The following BAIAP2L1 variants were observed in gnomAD, a reference collection of about 807,000 sequenced individuals.
BAIAP2L1 encodes BAR/IMD domain containing adaptor protein 2 like 1, also known as BAR/IMD domain-containing adapter protein 2-like 1.
BAIAP2L1 carries 35 observed loss-of-function variants against 66.3 expected under a neutral mutation model. The ratio of observed to expected loss-of-function variants is 0.53; its 90% CI spans 0.40 to 0.70. BAIAP2L1 has a LOEUF of 0.70. BAIAP2L1 is among the 30% of genes least tolerant of loss of function. BAIAP2L1 has a pLI of 0.00. For missense variants in BAIAP2L1, 622 were observed against 656.9 expected, an observed-to-expected ratio of 0.95 and a Z score of 0.58; for synonymous variants, 269 against 248.7, an observed-to-expected ratio of 1.08 and a Z score of -0.77.
rs566289692 is a variant in BAIAP2L1, at chr7:98,305,562, G to A, written c.1241+877C>T. Reference sequence around the variant, plus strand: ...AGCCTCCAGAGTAGATGGGACAATGGGCATATGCCACTATGCCCTGGCTAA... The same window carrying A: ...AGCCTCCAGAGTAGATGGGACAATGAGCATATGCCACTATGCCCTGGCTAA... On this transcript the variant is annotated intron_variant, in intron 11 of 13. Coordinates refer to ENST00000005260, the MANE Select transcript of BAIAP2L1 (RefSeq NM_018842.5). 2.6e-5 allele frequency among the ~76,000 whole-genome samples: 4 copies of A among 152,208 alleles called. No homozygotes were observed. The East Asian group carries it at 7.7e-4, about 29-fold the overall frequency.
chr7:98,366,147 G>T (rs188121899), intron 1 of BAIAP2L1, among the ~76,000 whole-genome samples: 1 of 152,098 alleles, frequency 6.6e-6, no homozygotes, highest in Non-Finnish European at 1.5e-5. Flanking sequence ...GACAATCATC[G>T]GATGGTCAGC....
At chr7:98,303,433 C>T (rs1800507423) in intron 12 of BAIAP2L1, among the ~76,000 whole-genome samples, 1 of 152,232 alleles carries the variant, frequency 6.6e-6, no homozygotes. Context: ...CCAACCCAGC[C>T]CGGGAGTGAT....
rs986268148 is a variant in BAIAP2L1, at chr7:98,338,443, C to A, written c.214+16599G>T. ...TCTTAAAAAAAAAAAAAAAAAAAGA[C>A]ATGCCGTTAAGCAGCCATTCCCCAT... On this transcript the variant is annotated intron_variant, in intron 3 of 13. Transcript: ENST00000005260. Among the ~76,000 whole-genome samples, 135 of 146,128 alleles carry A rather than the reference C, an allele frequency of 9.2e-4. 2 individuals are homozygous for A. Among genetic ancestry groups the A allele is most frequent in the African/African-American group, 3.2e-3 (128 of 39,950 alleles).
intron 1 of BAIAP2L1, among the ~76,000 whole-genome samples, chr7:98,385,586 GT>G (rs1270049424): frequency 1.3e-5 from 2 of 151,540 alleles, no homozygotes; most frequent in Non-Finnish European, 2.9e-5. Context: ...TAATTTTTTT[GT>G]TTTTTTCGTA....
chr7:98,356,912 C>T (rs539639194), intron 2 of BAIAP2L1, among the ~76,000 whole-genome samples: 3 of 136,794 alleles, frequency 2.2e-5, no homozygotes, highest in Non-Finnish European at 3.1e-5. Flanking sequence ...GGGAGAATTG[C>T]GTGAGCCCAG....
intron 5 of BAIAP2L1, among the ~76,000 whole-genome samples, chr7:98,318,293 A>G (rs1801140711): frequency 6.6e-6 from 1 of 152,120 alleles, no homozygotes; most frequent in Admixed American, 6.5e-5. Flanking sequence ...TTCTTCTGCC[A>G]CCCAAAGTCT....
In BAIAP2L1 at chr7:98,320,274, C is replaced by G; in HGVS notation, c.239G>C (p.Ser80Thr). 6.2e-7 allele frequency: 1 copy of G among 1,609,058 alleles called. No homozygotes were observed. Among genetic ancestry groups the G allele is most frequent in the Non-Finnish European group, 8.5e-7 (1 of 1,176,704 alleles). The change falls in exon 4 of 14, where the codon AGT (serine) becomes ACT (threonine). Residue 80 changes from serine to threonine, a missense_variant. Coordinates refer to ENST00000005260, the MANE Select transcript of BAIAP2L1 (RefSeq NM_018842.5). ...ELGHVLIEISSTHKKLNESLD... is the reference protein window; with the variant it reads ...ELGHVLIEISTTHKKLNESLD... ...ACTCTCGTTGAGTTTCTTGTGGGTA[C>G]TTGAAATCTCTATGAGGACATGTCC...
intron 3 of BAIAP2L1, among the ~76,000 whole-genome samples, chr7:98,345,413 T>G (rs996761868): frequency 6.6e-6 from 1 of 152,028 alleles, no homozygotes; most frequent in African/African-American, 2.4e-5. Flanking sequence ...AAAGAAGATA[T>G]GCAAATGGTC....
chr7:98,292,137 C>T lies in BAIAP2L1; in HGVS notation c.*1384G>A, dbSNP rs74337774. 0.019 allele frequency: 2,997 copies of T among 155,650 alleles called. 103 individuals are homozygous for T. The highest frequency in any genetic ancestry group is 0.069 in the African/African-American group (2,849 of 41,560). 9.6% of individuals were successfully genotyped at this position (155,650 alleles called of 1,614,324 possible). A position where few individuals can be genotyped will look rare whatever the true frequency, so the allele number is the denominator to read the frequency against. ...TGGAAGGAGCCTGAAGCATCGGCCACGTCCACTGGCTTACCTGCATGTAAC... is the reference window on the plus strand; with the variant it reads ...TGGAAGGAGCCTGAAGCATCGGCCATGTCCACTGGCTTACCTGCATGTAAC... On this transcript the variant is annotated 3_prime_UTR_variant, in exon 14 of 14. Transcript: ENST00000005260.
chr7:98,390,898 G>A (rs901043725), intron 1 of BAIAP2L1, among the ~76,000 whole-genome samples: 12 of 151,896 alleles, frequency 7.9e-5, no homozygotes, highest in African/African-American at 1.7e-4. Flanking sequence ...GTGCGGTGGC[G>A]TGATTTCAGC....
intron 1 of BAIAP2L1, among the ~76,000 whole-genome samples, chr7:98,391,925 A>G (rs1803054890): frequency 6.6e-6 from 1 of 152,144 alleles, no homozygotes; most frequent in East Asian, 1.9e-4. Context: ...ATTAATAGGC[A>G]TGAAATCGTA....
chr7:98,341,407 G>T (rs1298501126), intron 3 of BAIAP2L1, among the ~76,000 whole-genome samples: 2 of 152,124 alleles, frequency 1.3e-5, no homozygotes, highest in African/African-American at 4.8e-5. Context: ...CACAGTCCAG[G>T]TGCAGTGGCT....
rs886586055 is a variant in BAIAP2L1 at position 98,300,576 on chromosome 7, T to C, written c.1422+3620A>G. On this transcript the variant is annotated intron_variant, in intron 12 of 13. Transcript: ENST00000005260. ...TCAGAACTGGGTTTCTAACCTGCCGTGGGCCTTGGACAGCGGCTGCCATTC... is the reference window on the plus strand; with the variant it reads ...TCAGAACTGGGTTTCTAACCTGCCGCGGGCCTTGGACAGCGGCTGCCATTC... Among the ~76,000 whole-genome samples the C allele has an allele frequency of 9.2e-5, 14 of 152,304 alleles. No individual in the cohort carries two copies. The East Asian group carries it at 2.7e-3, about 29-fold the overall frequency.
At chr7:98,382,556 C>T (rs1218651123) in intron 1 of BAIAP2L1, among the ~76,000 whole-genome samples, 1 of 152,124 alleles carries the variant, frequency 6.6e-6, no homozygotes, top group Admixed American at 6.6e-5. Context: ...TTACATTTGC[C>T]TATGAATGGA....
intron 12 of BAIAP2L1, among the ~76,000 whole-genome samples, chr7:98,298,541 A>T (rs2116806071): frequency 6.6e-6 from 1 of 152,102 alleles, no homozygotes; most frequent in African/African-American, 2.4e-5. Flanking sequence ...TGAACCCAGG[A>T]GGTGGAGTTT....
rs1802875907 is a variant in BAIAP2L1 at position 98,385,777 on chromosome 7, T to C, written c.51+15025A>G. On this transcript the variant is annotated intron_variant, in intron 1 of 13. Coordinates refer to ENST00000005260, the MANE Select transcript of BAIAP2L1 (RefSeq NM_018842.5). Reference sequence around the variant, plus strand: ...ACAAATAGCACTCTTTATTTGCCACTATTTGAAGTCTGAACTTTAAACAGA... The same window carrying C: ...ACAAATAGCACTCTTTATTTGCCACCATTTGAAGTCTGAACTTTAAACAGA... 2.8e-6 allele frequency: 4 copies of C among 1,432,060 alleles called. No individual in the cohort carries two copies. The South Asian group carries it at 4.8e-5, about 17-fold the overall frequency. The allele number at this position is 1,432,060 out of a possible 1,614,324, so 88.7% of individuals were successfully genotyped here.
intron 9 of BAIAP2L1, chr7:98,309,867 C>G (rs879902500): frequency 6.6e-6 from 1 of 150,648 alleles, no homozygotes; most frequent in African/African-American, 2.6e-5. Flanking sequence ...CTGGCTCCAA[C>G]TTTTGTTTTT....
At chr7:98,321,196 A>G (rs1801233202) in intron 3 of BAIAP2L1, among the ~76,000 whole-genome samples, 7 of 152,116 alleles carry the variant, frequency 4.6e-5, no homozygotes, top group Admixed American at 4.6e-4. Flanking sequence ...TCCCTAAGCC[A>G]AGTTCTATAT....
chr7:98,336,149 G>A (rs1421158287), intron 3 of BAIAP2L1, among the ~76,000 whole-genome samples: 1 of 151,726 alleles, frequency 6.6e-6, no homozygotes, highest in African/African-American at 2.4e-5. Context: ...TATGAGGGGG[G>A]GTGGGAGAGA....
Sources: allele counts gnomAD v4.1 joint callset (sites outside exome capture counted in the v4.1 genomes callset), GRCh38; gene constraint gnomAD v4.1.1; transcripts MANE v1.5; gene names NCBI Gene and HGNC (gene_info 2026-07-23, HGNC 2026-07-21).